ENG: variants seen among roughly 807,000 people sequenced by gnomAD.
ENG encodes the protein CD105 antigen.
A neutral mutation model predicts 71.0 loss-of-function variants in ENG; 17 were observed. That is an observed-to-expected ratio of 0.24 (90% CI 0.16 to 0.36). The LOEUF (loss-of-function observed/expected upper bound fraction) is 0.36, where lower values mean the gene tolerates loss of function less well. Among genes scored for constraint, ENG ranks in the 10% least tolerant of loss-of-function variants. ENG has a pLI of 1.00. For missense variants in ENG, 749 were observed against 868.3 expected (o/e 0.86, Z 1.73); for synonymous variants, 360 against 366.9 (o/e 0.98, Z 0.21).
chr9:127,849,247 C>T (rs534657763), intron 1 of ENG, among the ~76,000 whole-genome samples: 254 of 152,364 alleles, frequency 1.7e-3, no homozygotes, highest in South Asian at 3.5e-3. Flanking sequence ...GTAAGAACCC[C>T]TTCCCCTCCC....
chr9:127,824,593 A>G lies in ENG; in HGVS notation c.992-147T>C, dbSNP rs1360433751. The G allele has an allele frequency of 4.3e-6, 5 of 1,167,824 alleles. No individual in the cohort carries two copies. The East Asian group carries it at 1.3e-4, about 31-fold the overall frequency. The allele number at this position is 1,167,824 out of a possible 1,614,324, so 72.3% of individuals were successfully genotyped here. ...GAGTGCAGTGGCACGATCTTGGCTCACTGCAACCTCCATCTCCCAGGTTCA... is the reference window on the plus strand; with the variant it reads ...GAGTGCAGTGGCACGATCTTGGCTCGCTGCAACCTCCATCTCCCAGGTTCA... On this transcript the variant is annotated intron_variant, in intron 7 of 14. Coordinates refer to ENST00000373203, the MANE Select transcript of ENG (RefSeq NM_001114753.3).
At chr9:127,825,996 T>C in intron 4 of ENG, 136 bp from the exon 5 acceptor site, 1 of 1,209,504 alleles carries the variant, frequency 8.3e-7, no homozygotes, top group Admixed American at 2.1e-5. Flanking sequence ...TCAGAGGACC[T>C]AGGTTCGAAC....
chr9:127,848,549 G>A (rs4837191), intron 1 of ENG, among the ~76,000 whole-genome samples: 152,310 of 152,332 alleles, frequency 1, 76,144 homozygotes, highest in Non-Finnish European at 1. Context: ...CTCCCAAAAC[G>A]TTGGGATTAC....
rs1830953732 is a variant in ENG at position 127,838,438 on chromosome 9, T to G, written c.219+4656A>C. Among the ~76,000 whole-genome samples the G allele has an allele frequency of 6.6e-6, 1 of 151,930 alleles. No individual in the cohort carries two copies. The highest frequency in any genetic ancestry group is 2.1e-4 in the South Asian group (1 of 4,818). On this transcript the variant is annotated intron_variant, in intron 2 of 14. Coordinates refer to ENST00000373203, the MANE Select transcript of ENG (RefSeq NM_001114753.3). This position sits in a 1 kb window ranked among gnomAD's most constrained non-coding sequence, Gnocchi z 4.3. ...TGTACTGCCTTCCATGGCCTCCCAC[T>G]GCCTCCCAGGACAGTCTGGGGGAGC...
chr9:127,852,616 C>T (rs1829055444), intron 1 of ENG, among the ~76,000 whole-genome samples: 1 of 152,052 alleles, frequency 6.6e-6, no homozygotes. Flanking sequence ...AATGTCCAAA[C>T]TCATTTCTTT....
At chr9:127,827,876 G>T (rs1048377503) in intron 3 of ENG, among the ~76,000 whole-genome samples, 12 of 151,922 alleles carry the variant, frequency 7.9e-5, no homozygotes. Context: ...AAAATGAGGT[G>T]GGGGTGGTGG....
chr9:127,823,472 T>A (rs556912649), intron 8 of ENG, among the ~76,000 whole-genome samples: 35 of 150,956 alleles, frequency 2.3e-4, no homozygotes, highest in South Asian at 4.2e-4. Flanking sequence ...CACTGCAAGC[T>A]CTGCCTCCCG....
At chr9:127,816,920 C>T (rs1035820243) in intron 13 of ENG, 1 of 604,298 alleles carries the variant, frequency 1.7e-6, no homozygotes, top group South Asian at 1.9e-5. Context: ...GACTCCCACC[C>T]CACAGGGCGG....
rs184273329 is a variant in ENG, at chr9:127,832,003, T to C, written c.220-2176A>G. Reference sequence around the variant, plus strand: ...ATGGCTCACTGCAGCCTCAACCTCCTAGGCTCAAGCAATCCTCCCACCTCG... The same window carrying C: ...ATGGCTCACTGCAGCCTCAACCTCCCAGGCTCAAGCAATCCTCCCACCTCG... On this transcript the variant is annotated intron_variant, in intron 2 of 14. Transcript: ENST00000373203. Among the ~76,000 whole-genome samples the C allele has an allele frequency of 1.7e-3, 253 of 151,304 alleles. 4 individuals are homozygous for C. The South Asian group carries it at 0.037, about 22-fold the overall frequency.
chr9:127,824,167 A>G, intron 8 of ENG, 137 bp downstream of exon 8: 1 of 1,243,338 alleles, frequency 8.0e-7, no homozygotes, highest in Non-Finnish European at 1.2e-6. Context: ...CAATTCCATT[A>G]TACAAGTGGG....
Position 127,815,674 on chromosome 9 carries a change from G to C in ENG, c.*8C>G. The C allele has an allele frequency of 6.4e-7, 1 of 1,556,096 alleles. No individual in the cohort carries two copies. Among genetic ancestry groups the C allele is most frequent in the Non-Finnish European group, 8.6e-7 (1 of 1,157,890 alleles). ...TCTCTCCTGCTGGGCGAGCGCGGGG[G>C]GCCGGGGCTATGCCATGCTGCTGGT... On this transcript the variant is annotated 3_prime_UTR_variant, in exon 15 of 15. Transcript: ENST00000373203.
Position 127,818,725 on chromosome 9 carries a change from G to A in ENG, c.1419C>T (p.Ser473=), listed in dbSNP as rs561818608. 4.3e-4 allele frequency: 688 copies of A among 1,614,142 alleles called. 5 individuals carry two copies. In the South Asian group the frequency reaches 7.2e-3, roughly 17 times the overall value. Residue 473 remains serine, a synonymous_variant, in exon 11 of 15, where the codon AGC becomes AGT. Coordinates refer to ENST00000373203, the MANE Select transcript of ENG (RefSeq NM_001114753.3). ...CAGGCATGCCAGGTACCTGCACAAA[G>A]CTCTGCTGCCCCGGCTCGATGGTGT... is the stretch of plus-strand genomic sequence containing the variant. ...ASNTIEPGQQ[S]FVQVRVSPSV...
intron 1 of ENG, among the ~76,000 whole-genome samples, 158 bp from the exon 2 acceptor site, chr9:127,843,403 G>T (rs914956967): frequency 2.6e-5 from 4 of 151,656 alleles, no homozygotes; most frequent in Non-Finnish European, 5.9e-5. Flanking sequence ...TCGTTCCATG[G>T]ATTAAAAAAA....
chr9:127,843,755 A>ATAT (rs1554812402), intron 1 of ENG, among the ~76,000 whole-genome samples: 2 of 25,040 alleles, frequency 8.0e-5, no homozygotes, highest in Non-Finnish European at 1.4e-4. Context: ...ATATATATAT[A>ATAT]TTTTTTTTTT....
rs183905549 is a variant in ENG, at chr9:127,850,140, A to G, written c.67+4149T>C. On this transcript the variant is annotated intron_variant, in intron 1 of 14. Coordinates refer to ENST00000373203, the MANE Select transcript of ENG (RefSeq NM_001114753.3). ...ACTAGGAAGCAGGGTCCCAGAGCCA[A>G]GGGTAAACAGTTCTTTAGGTCTCCA... is the stretch of plus-strand genomic sequence containing the variant. Among the ~76,000 whole-genome samples the G allele has an allele frequency of 2.0e-4, 30 of 152,360 alleles. 1 individual carries two copies. The highest frequency in any genetic ancestry group is 1.7e-3 in the Admixed American group (26 of 15,308).
At chr9:127,831,974 A>G (rs1023445501) in intron 2 of ENG, among the ~76,000 whole-genome samples, 4 of 151,086 alleles carry the variant, frequency 2.6e-5, no homozygotes, top group African/African-American at 9.7e-5. Context: ...GCAGTGGTGC[A>G]ATCATGGCTC....
chr9:127,819,516 C>T, intron 10 of ENG, 106 bp downstream of exon 10: 1 of 1,499,072 alleles, frequency 6.7e-7, no homozygotes, highest in East Asian at 2.3e-5. Context: ...ACACACATGG[C>T]TTGCCAGGAG....
intron 10 of ENG, 91 bp from the exon 11 acceptor site, chr9:127,818,923 T>G: frequency 2.8e-6 from 3 of 1,060,012 alleles, no homozygotes; most frequent in Admixed American, 3.8e-5. Flanking sequence ...CATGGCCCTG[T>G]GGAGTTGCCT....
intron 1 of ENG, among the ~76,000 whole-genome samples, chr9:127,853,081 G>T (rs989684307): frequency 6.6e-6 from 1 of 152,112 alleles, no homozygotes; most frequent in Non-Finnish European, 1.5e-5. Flanking sequence ...GTTGTGAGCC[G>T]CATTAAGAGG....
Sources: gnomAD v4.1 joint callset for allele counts (sites outside exome capture counted in the v4.1 genomes callset) on GRCh38, gnomAD v4.1.1 for gene constraint, Gnocchi (gnomAD v3.1) non-coding constraint, MANE v1.5 for transcripts, NCBI Gene and HGNC (gene_info 2026-07-23, HGNC 2026-07-21) for gene names.